The following NWD2 variants were observed in gnomAD, a reference collection of about 807,000 sequenced individuals.
The protein encoded by NWD2 is NACHT and WD repeat domain-containing protein 2.
NWD2 carries 37 observed loss-of-function variants against 132.7 expected under a neutral mutation model. That is an observed-to-expected ratio of 0.28 (90% CI 0.21 to 0.37). The LOEUF (loss-of-function observed/expected upper bound fraction) is 0.37. Ranked by LOEUF, NWD2 falls within the 10% of genes least tolerant of loss-of-function variation. NWD2 has a pLI of 1.00. For missense variants in NWD2, 1,592 were observed against 2,122.4 expected, an observed-to-expected ratio of 0.75 and a Z score of 4.91; for synonymous variants, 705 against 803.0, an observed-to-expected ratio of 0.88 and a Z score of 2.06.
chr4:37,349,810 T>C (rs1719724796), intron 2 of NWD2, among the ~76,000 whole-genome samples: 1 of 152,248 alleles, frequency 6.6e-6, no homozygotes, highest in South Asian at 2.1e-4. Context: ...AGAGTTCTTA[T>C]GGTTTTAGGT....
intron 1 of NWD2, among the ~76,000 whole-genome samples, chr4:37,312,168 A>AGTC (rs1334014687): frequency 2.0e-5 from 3 of 151,530 alleles, no homozygotes; most frequent in African/African-American, 7.3e-5. Flanking sequence ...CTGTGAAGAA[A>AGTC]GTCATTGGTA....
intron 1 of NWD2, among the ~76,000 whole-genome samples, chr4:37,318,280 C>T (rs547472854): frequency 1.3e-5 from 2 of 152,194 alleles, no homozygotes; most frequent in East Asian, 3.9e-4. Context: ...CTGACCTTGG[C>T]CTCCCAAAGT....
At chr4:37,259,566 A>G (rs576039421) in intron 1 of NWD2, among the ~76,000 whole-genome samples, 1 of 152,246 alleles carries the variant, frequency 6.6e-6, no homozygotes, top group South Asian at 2.1e-4. Context: ...CATCCCTCTC[A>G]TGTCCCTGTC....
At chr4:37,342,484 C>T (rs750525922) in intron 2 of NWD2, among the ~76,000 whole-genome samples, 32 of 152,124 alleles carry the variant, frequency 2.1e-4, no homozygotes, top group Admixed American at 1.0e-3. Context: ...CTGACAAAGG[C>T]GTATGGTTTG....
At chr4:37,348,671 T>TACACACAC (rs1396602989) in intron 2 of NWD2, among the ~76,000 whole-genome samples, 15 of 61,360 alleles carry the variant, frequency 2.4e-4, no homozygotes, top group African/African-American at 1.1e-3. Context: ...TATATATATA[T>TACACACAC]ATATACACAC....
intron 3 of NWD2, among the ~76,000 whole-genome samples, chr4:37,426,780 G>A (rs1235369415): frequency 2.0e-5 from 3 of 152,098 alleles, no homozygotes; most frequent in African/African-American, 4.8e-5. Flanking sequence ...ATTTTAGCAA[G>A]TACCCTGGGA....
At chr4:37,417,793 A>C (rs1399356555) in intron 3 of NWD2, among the ~76,000 whole-genome samples, 7 of 152,194 alleles carry the variant, frequency 4.6e-5, no homozygotes, top group Non-Finnish European at 8.8e-5. Flanking sequence ...TGTACAGATC[A>C]GCAACAGGAG....
chr4:37,434,300 C>T (rs1712256365), intron 5 of NWD2, among the ~76,000 whole-genome samples: 1 of 152,174 alleles, frequency 6.6e-6, no homozygotes, highest in African/African-American at 2.4e-5. Flanking sequence ...CTCAGTTGAG[C>T]TGTTCATTCA....
At chr4:37,381,139 G>A (rs1432596393) in intron 3 of NWD2, among the ~76,000 whole-genome samples, 1 of 152,046 alleles carries the variant, frequency 6.6e-6, no homozygotes, top group African/African-American at 2.4e-5. Context: ...ACCCCAAGAA[G>A]CCTGAAATGT....
intron 1 of NWD2, among the ~76,000 whole-genome samples, chr4:37,272,109 A>AT (rs1717882640): frequency 1.3e-5 from 2 of 151,634 alleles, no homozygotes; most frequent in South Asian, 4.1e-4. Context: ...TACATTTTTG[A>AT]TTTTCAAATG....
chr4:37,278,411 G>A (rs926877217), intron 1 of NWD2, among the ~76,000 whole-genome samples: 2 of 152,144 alleles, frequency 1.3e-5, no homozygotes, highest in African/African-American at 2.4e-5. Context: ...TGCAAGTCAG[G>A]TGAGCCCCTT....
chr4:37,349,505 T>C (rs1032510654), intron 2 of NWD2, among the ~76,000 whole-genome samples: 3 of 152,212 alleles, frequency 2.0e-5, no homozygotes, highest in Admixed American at 6.5e-5. Flanking sequence ...TCTGTTCATA[T>C]CCTTTGCCCA....
chr4:37,269,531 G>A lies in NWD2; in HGVS notation c.151+24313G>A, dbSNP rs568306513. On this transcript the variant is annotated intron_variant, in intron 1 of 6. Transcript: ENST00000309447. ...ACCTGTCATTCTCCATCCTATAAAA[G>A]CACCACTCCTGATTTCTCTCACCGT... Among the ~76,000 whole-genome samples the A allele has an allele frequency of 5.3e-5, 8 of 151,874 alleles. No individual in the cohort carries two copies. In the South Asian group the frequency reaches 1.5e-3, roughly 28 times the overall value.
At position 37,433,861 on chromosome 4, in the gene NWD2, T is replaced by G. The variant is rs1386418886; in HGVS notation, c.562-15T>G. ...ATGATTGTAAGACTAATTTCTCCCTTTTACATTTCTATAGATGCAGCCTTC... is the reference window on the plus strand; with the variant it reads ...ATGATTGTAAGACTAATTTCTCCCTGTTACATTTCTATAGATGCAGCCTTC... On this transcript the variant is annotated splice_polypyrimidine_tract_variant and intron_variant, in intron 4 of 6. Coordinates refer to ENST00000309447, the MANE Select transcript of NWD2 (RefSeq NM_001144990.2). 6.6e-7 allele frequency: 1 copy of G among 1,512,934 alleles called. No individual in the cohort carries two copies. The highest frequency in any genetic ancestry group is 1.7e-4 in the Middle Eastern group (1 of 5,796). 93.7% of individuals were successfully genotyped at this position (1,512,934 alleles called of 1,614,324 possible).
chr4:37,380,114 A>G (rs1429577539), intron 3 of NWD2, among the ~76,000 whole-genome samples: 1 of 152,240 alleles, frequency 6.6e-6, no homozygotes, highest in African/African-American at 2.4e-5. Flanking sequence ...TCCTTACAGC[A>G]ACCCTGTGAG....
chr4:37,410,514 C>T (rs141751287), intron 3 of NWD2, among the ~76,000 whole-genome samples: 2,244 of 152,248 alleles, frequency 0.015, 57 homozygotes, highest in African/African-American at 0.051. Context: ...TTCTTAGACA[C>T]CTACAAAGAG....
intron 1 of NWD2, among the ~76,000 whole-genome samples, chr4:37,301,495 TATACTC>T (rs1293408801): frequency 6.6e-6 from 1 of 152,062 alleles, no homozygotes; most frequent in Non-Finnish European, 1.5e-5. Flanking sequence ...GCCTATCTCA[TATACTC>T]ATATTTTTCA....
chr4:37,327,480 C>T (rs957192755), intron 2 of NWD2, among the ~76,000 whole-genome samples: 9 of 152,004 alleles, frequency 5.9e-5, no homozygotes, highest in Non-Finnish European at 1.2e-4. Flanking sequence ...CAGAGTACAC[C>T]GCAGTGGGCA....
chr4:37,286,350 T>C (rs902525396), intron 1 of NWD2, among the ~76,000 whole-genome samples: 1 of 152,226 alleles, frequency 6.6e-6, no homozygotes, highest in African/African-American at 2.4e-5. Flanking sequence ...AAGTTTTCCT[T>C]AATGCTTGAG....
Sources: gnomAD v4.1 joint callset for allele counts (sites outside exome capture counted in the v4.1 genomes callset) on GRCh38, gnomAD v4.1.1 for gene constraint, MANE v1.5 for transcripts, NCBI Gene and HGNC (gene_info 2026-07-23, HGNC 2026-07-21) for gene names.